Variants in GLCCI1 observed in about 807,000 individuals in gnomAD.
The protein encoded by GLCCI1 is glucocorticoid-induced transcript 1 protein.
In GLCCI1, 24 loss-of-function variants were observed where a neutral mutation model predicts 52.2. The observed-to-expected ratio is 0.46, with a 90% CI of 0.33 to 0.65. The LOEUF is 0.65. Among genes scored for constraint, GLCCI1 ranks in the 30% least tolerant of loss-of-function variants. The pLI is 0.02. For missense variants in GLCCI1, 704 were observed against 701.5 expected, an observed-to-expected ratio of 1.00 and a Z score of -0.04; for synonymous variants, 310 against 276.5, an observed-to-expected ratio of 1.12 and a Z score of -1.20.
At position 8,085,569 on chromosome 7, in the gene GLCCI1, A is replaced by T. The variant is rs555281243; in HGVS notation, c.1298+552A>T. 4.6e-5 allele frequency among the ~76,000 whole-genome samples: 7 copies of T among 152,296 alleles called. No homozygotes were observed. In the South Asian group the frequency reaches 1.2e-3, roughly 27 times the overall value. ...AAGACTGTGGTTCTTGGATGCCCTC[A>T]TGCCTTTGTTCCAGTGCAGGTGCCT... On this transcript the variant is annotated intron_variant, in intron 7 of 7. Coordinates refer to ENST00000223145, the MANE Select transcript of GLCCI1 (RefSeq NM_138426.4).
At chr7:8,064,096 CTTTAG>C (rs977569970) in intron 5 of GLCCI1, among the ~76,000 whole-genome samples, 15 of 152,146 alleles carry the variant, frequency 9.9e-5, no homozygotes, top group South Asian at 2.1e-4. Flanking sequence ...TGCAGAAGCT[CTTTAG>C]TTTAATTAGG....
intron 6 of GLCCI1, among the ~76,000 whole-genome samples, chr7:8,074,606 A>T (rs1158282776): frequency 2.6e-5 from 4 of 152,050 alleles, no homozygotes; most frequent in African/African-American, 9.7e-5. Flanking sequence ...GATCACTTGA[A>T]CTTGGGAGGT....
chr7:8,046,080 C>A (rs537286507), intron 3 of GLCCI1, among the ~76,000 whole-genome samples: 5 of 151,830 alleles, frequency 3.3e-5, no homozygotes, highest in African/African-American at 1.2e-4. Context: ...AATCTTGTAA[C>A]AAAATTTGAT....
intron 5 of GLCCI1, among the ~76,000 whole-genome samples, chr7:8,064,102 T>C (rs1471092299): frequency 2.0e-5 from 3 of 152,170 alleles, no homozygotes; most frequent in Non-Finnish European, 4.4e-5. Context: ...AGCTCTTTAG[T>C]TTAATTAGGT....
chr7:8,070,837 G>A lies in GLCCI1; in HGVS notation c.967-84G>A, dbSNP rs185666829. Reference sequence around the variant, plus strand: ...AACTGGGTCAGTAGTGGTGGAATATGAAATCAAGGGAAATACTATGTGCTT... The same window carrying A: ...AACTGGGTCAGTAGTGGTGGAATATAAAATCAAGGGAAATACTATGTGCTT... On this transcript the variant is annotated intron_variant, in intron 5 of 7. Transcript: ENST00000223145. The A allele has an allele frequency of 4.1e-6, 5 of 1,222,398 alleles. No homozygotes were observed. In the East Asian group the frequency reaches 9.5e-5, roughly 23 times the overall value. The allele number at this position is 1,222,398 out of a possible 1,614,324, so 75.7% of individuals were successfully genotyped here.
intron 5 of GLCCI1, among the ~76,000 whole-genome samples, chr7:8,068,135 G>A (rs1782674077): frequency 6.6e-6 from 1 of 152,140 alleles, no homozygotes; most frequent in African/African-American, 2.4e-5. Context: ...GATCACCTGA[G>A]GTCAGAAGTT....
At chr7:8,040,830 A>G (rs967629514) in intron 3 of GLCCI1, among the ~76,000 whole-genome samples, 1 of 152,206 alleles carries the variant, frequency 6.6e-6, no homozygotes, top group African/African-American at 2.4e-5. Flanking sequence ...CCGTAAATGT[A>G]TGCATGTGCT....
At chr7:8,033,948 C>T (rs1472370008) in intron 3 of GLCCI1, among the ~76,000 whole-genome samples, 3 of 151,794 alleles carry the variant, frequency 2.0e-5, no homozygotes, top group Non-Finnish European at 4.4e-5. Context: ...TAGAAAAGTC[C>T]GAATAATCTT....
intron 4 of GLCCI1, among the ~76,000 whole-genome samples, chr7:8,058,236 T>A (rs1259919756): frequency 6.6e-6 from 1 of 152,180 alleles, no homozygotes; most frequent in African/African-American, 2.4e-5. Flanking sequence ...AAACTATACA[T>A]CTTTGAGAAC....
intron 1 of GLCCI1, among the ~76,000 whole-genome samples, chr7:7,972,291 C>G (rs937715536): frequency 1.3e-5 from 2 of 152,124 alleles, no homozygotes; most frequent in East Asian, 3.9e-4. Flanking sequence ...CCTCTGCTCT[C>G]CACCTCCTCC....
intron 2 of GLCCI1, among the ~76,000 whole-genome samples, chr7:8,011,707 T>G (rs182606191): frequency 1.3e-5 from 2 of 152,328 alleles, no homozygotes. Context: ...TTTAAATTTT[T>G]GATGAACTGA....
At chr7:8,068,485 C>G (rs1476415906) in intron 5 of GLCCI1, among the ~76,000 whole-genome samples, 1 of 152,224 alleles carries the variant, frequency 6.6e-6, no homozygotes, top group Non-Finnish European at 1.5e-5. Flanking sequence ...TTTTTCAACT[C>G]TCTGATCAGT....
chr7:8,040,010 A>AT (rs1475546023), intron 3 of GLCCI1, among the ~76,000 whole-genome samples: 1 of 150,854 alleles, frequency 6.6e-6, no homozygotes, highest in Non-Finnish European at 1.5e-5. Context: ...AAAAAAAAAA[A>AT]AAAGAAGAAG....
At chr7:8,053,256 C>G (rs1162389694) in intron 3 of GLCCI1, among the ~76,000 whole-genome samples, 1 of 150,974 alleles carries the variant, frequency 6.6e-6, no homozygotes, top group Admixed American at 6.6e-5. Context: ...CCTTGTGACC[C>G]AGGATCACTT....
intron 1 of GLCCI1, among the ~76,000 whole-genome samples, chr7:7,993,188 G>A (rs1326599268): frequency 6.6e-6 from 1 of 151,828 alleles, no homozygotes; most frequent in Non-Finnish European, 1.5e-5. Flanking sequence ...TAAGTAAAAT[G>A]ATTTTTTTTG....
At chr7:7,972,314 C>T (rs1194255399) in intron 1 of GLCCI1, among the ~76,000 whole-genome samples, 1 of 151,462 alleles carries the variant, frequency 6.6e-6, no homozygotes, top group Non-Finnish European at 1.5e-5. Flanking sequence ...TTTCTGCACA[C>T]TTCAGTGTAT....
intron 3 of GLCCI1, among the ~76,000 whole-genome samples, chr7:8,034,902 C>A (rs879315284): frequency 3.9e-5 from 6 of 152,238 alleles, no homozygotes; most frequent in Non-Finnish European, 8.8e-5. Flanking sequence ...GATTTGGGGA[C>A]TTACTGAGGG....
chr7:8,054,309 C>G (rs1416016651), intron 3 of GLCCI1, among the ~76,000 whole-genome samples: 1 of 152,078 alleles, frequency 6.6e-6, no homozygotes, highest in Non-Finnish European at 1.5e-5. Context: ...GAGAGGAAGG[C>G]ACACAAATAT....
Position 8,070,990 on chromosome 7 carries a change from A to G in GLCCI1, c.1036A>G (p.Ile346Val). 3.1e-6 allele frequency: 5 copies of G among 1,614,184 alleles called. No individual in the cohort carries two copies. The highest frequency in any genetic ancestry group is 3.4e-6 in the Non-Finnish European group (4 of 1,180,030). ...AHYRSSSTRS[I>V]DTQTPSVQER... ...TTACCGGAGCAGTAGTACTCGCAGCATTGACACTCAGACTCCTTCTGTCCA... is the reference window on the plus strand; with the variant it reads ...TTACCGGAGCAGTAGTACTCGCAGCGTTGACACTCAGACTCCTTCTGTCCA... The change falls in exon 6 of 8, where the codon ATT becomes GTT. Residue 346 changes from isoleucine (I) to valine (V), a missense_variant. Transcript: ENST00000223145.
Sources: gnomAD v4.1 joint callset for allele counts (sites outside exome capture counted in the v4.1 genomes callset) on GRCh38, gnomAD v4.1.1 for gene constraint, MANE v1.5 for transcripts, NCBI Gene and HGNC (gene_info 2026-07-23, HGNC 2026-07-21) for gene names.